Variants in RFX3 observed in about 807,000 individuals in gnomAD.
RFX3 encodes the protein transcription factor RFX3.
Under a neutral mutation model 98.6 loss-of-function variants are expected in RFX3, and 14 were observed. That is an observed-to-expected ratio of 0.14 (90% CI 0.09 to 0.22). The LOEUF is 0.22. Among genes scored for constraint, RFX3 ranks in the 10% least tolerant of loss-of-function variants. RFX3 has a pLI of 1.00. For synonymous variants in RFX3, 383 were observed against 328.4 expected, an observed-to-expected ratio of 1.17 and a Z score of -1.80; for missense variants, 639 against 926.9, an observed-to-expected ratio of 0.69 and a Z score of 4.03.
At chr9:3,290,211 A>C (rs969501214) in intron 6 of RFX3, among the ~76,000 whole-genome samples, 1 of 152,066 alleles carries the variant, frequency 6.6e-6, no homozygotes, top group African/African-American at 2.4e-5. Flanking sequence ...TAAAAAAAAA[A>C]AAACAGGAGA....
intron 2 of RFX3, among the ~76,000 whole-genome samples, chr9:3,379,111 T>C (rs971127365): frequency 6.6e-6 from 1 of 152,194 alleles, no homozygotes; most frequent in Non-Finnish European, 1.5e-5. Flanking sequence ...ACATAGTGCA[T>C]GCAAGGTTGG....
intron 1 of RFX3, among the ~76,000 whole-genome samples, chr9:3,501,574 TGAGATAGAG>T (rs1816009570): frequency 6.7e-6 from 1 of 148,482 alleles, no homozygotes; most frequent in Admixed American, 6.7e-5. Flanking sequence ...TTTTTTTTTT[TGAGATAGAG>T]TCTCACTCTT....
chr9:3,299,284 G>A (rs946434494), intron 5 of RFX3, among the ~76,000 whole-genome samples: 1 of 151,674 alleles, frequency 6.6e-6, no homozygotes, highest in South Asian at 2.1e-4. Flanking sequence ...GCAAATTCCA[G>A]TTGTTTTTGA....
In RFX3 at chr9:3,258,052, T is replaced by C. The variant is rs547035725; in HGVS notation, c.1606-853A>G. Among the ~76,000 whole-genome samples, 7 of 152,284 alleles carry C rather than the reference T, an allele frequency of 4.6e-5. No individual in the cohort carries two copies. In the South Asian group the frequency reaches 1.2e-3, roughly 27 times the overall value. On this transcript the variant is annotated intron_variant, in intron 13 of 16. Coordinates refer to ENST00000617270, the MANE Select transcript of RFX3 (RefSeq NM_001282116.2). Reference sequence around the variant, plus strand: ...CCTATTCACTCAAGGCAAAACATAATTCTTTGGTAACGTAATATTTGACTG... The same window carrying C: ...CCTATTCACTCAAGGCAAAACATAACTCTTTGGTAACGTAATATTTGACTG...
chr9:3,348,019 G>GT (rs1834640417), intron 2 of RFX3, among the ~76,000 whole-genome samples: 1 of 152,152 alleles, frequency 6.6e-6, no homozygotes, highest in East Asian at 1.9e-4. Context: ...TATAGTATTG[G>GT]TTTTTTCAAA....
chr9:3,403,976 T>C lies in RFX3; in HGVS notation c.-8-8380A>G, dbSNP rs1016126777. ...TTTTTTCTCTCATCTCTTTTTCTTT[T>C]AATAAAAGTGCAGAATAGAGTCTTT... On this transcript the variant is annotated intron_variant, in intron 1 of 16. Transcript: ENST00000617270. Among the ~76,000 whole-genome samples the C allele has an allele frequency of 8.5e-5, 13 of 152,298 alleles. No homozygotes were observed. In the South Asian group the frequency reaches 2.5e-3, roughly 29 times the overall value.
intron 1 of RFX3, among the ~76,000 whole-genome samples, chr9:3,504,907 TATATATA>T (rs1244463935): frequency 2.9e-4 from 4 of 14,030 alleles, no homozygotes; most frequent in African/African-American, 1.3e-3. Flanking sequence ...ATATTATATA[TATATATA>T]ATATAACATA....
intron 1 of RFX3, among the ~76,000 whole-genome samples, chr9:3,441,889 T>C (rs1845638538): frequency 6.6e-6 from 1 of 151,732 alleles, no homozygotes; most frequent in Non-Finnish European, 1.5e-5. Context: ...AAACAGAATA[T>C]AGAAAGAGTG....
rs553108933 is a variant in RFX3, at chr9:3,414,043, C to A, written c.-8-18447G>T. The stretch of plus-strand genomic sequence containing the variant: ...CACCTACCACATATCTGCTAATAAA[C>A]TTAATACTTTAATTTTCACAACAAC... On this transcript the variant is annotated intron_variant, in intron 1 of 16. Transcript: ENST00000617270. 9.9e-4 allele frequency among the ~76,000 whole-genome samples: 151 copies of A among 152,136 alleles called. 1 individual carries two copies. Among genetic ancestry groups the A allele is most frequent in the African/African-American group, 3.5e-3 (144 of 41,544 alleles).
At chr9:3,507,204 A>C in intron 1 of RFX3, among the ~76,000 whole-genome samples, 1 of 151,962 alleles carries the variant, frequency 6.6e-6, no homozygotes, top group East Asian at 1.9e-4. Context: ...ATAATAAGAA[A>C]TTACTAGAAA....
chr9:3,395,959 G>T (rs146563589), intron 1 of RFX3, among the ~76,000 whole-genome samples: 1 of 151,892 alleles, frequency 6.6e-6, no homozygotes, highest in African/African-American at 2.4e-5. Flanking sequence ...ACCCTACCTG[G>T]ATGTAAGTGT....
chr9:3,367,565 A>G (rs1286175711), intron 2 of RFX3, among the ~76,000 whole-genome samples: 1 of 152,212 alleles, frequency 6.6e-6, no homozygotes, highest in East Asian at 1.9e-4. Flanking sequence ...GTAATTTGAT[A>G]CACAGCAAGA....
At chr9:3,457,070 G>A (rs1335298263) in intron 1 of RFX3, among the ~76,000 whole-genome samples, 1 of 147,306 alleles carries the variant, frequency 6.8e-6, no homozygotes, top group Non-Finnish European at 1.5e-5. Context: ...GAACCCGGGA[G>A]GCAGCAGTTG....
chr9:3,404,147 T>C (rs1207683294), intron 1 of RFX3, among the ~76,000 whole-genome samples: 2 of 152,204 alleles, frequency 1.3e-5, no homozygotes, highest in Admixed American at 6.5e-5. Context: ...GAATTCTCAT[T>C]ACTGCCATTC....
intron 1 of RFX3, among the ~76,000 whole-genome samples, chr9:3,477,919 G>A (rs749075176): frequency 7.2e-5 from 11 of 152,024 alleles, no homozygotes; most frequent in Admixed American, 4.6e-4. Context: ...ATTTATATCT[G>A]TTGTTGAGCT....
intron 2 of RFX3, among the ~76,000 whole-genome samples, chr9:3,366,130 G>A (rs1250607757): frequency 6.6e-6 from 1 of 151,930 alleles, no homozygotes; most frequent in East Asian, 2.0e-4. Context: ...TAAATGTCTT[G>A]GCTCACAAAT....
At chr9:3,437,880 AT>A (rs1410959571) in intron 1 of RFX3, among the ~76,000 whole-genome samples, 2 of 152,052 alleles carry the variant, frequency 1.3e-5, no homozygotes, top group Non-Finnish European at 2.9e-5. Context: ...ATGCTTCTCA[AT>A]TTTTTGAAAA....
chr9:3,462,235 A>G (rs1847760834), intron 1 of RFX3, among the ~76,000 whole-genome samples: 1 of 152,102 alleles, frequency 6.6e-6, no homozygotes, highest in Non-Finnish European at 1.5e-5. Context: ...AGATAATGAC[A>G]AAATGGGATT....
intron 2 of RFX3, among the ~76,000 whole-genome samples, chr9:3,375,965 A>G (rs1838436275): frequency 6.6e-6 from 1 of 152,170 alleles, no homozygotes; most frequent in East Asian, 1.9e-4. Flanking sequence ...ATCTCCAAAA[A>G]AAAAAAATTA....
Sources: allele counts gnomAD v4.1 joint callset (sites outside exome capture counted in the v4.1 genomes callset), GRCh38; gene constraint gnomAD v4.1.1; transcripts MANE v1.5; gene names NCBI Gene and HGNC (gene_info 2026-07-23, HGNC 2026-07-21).